DLG1: variants seen among roughly 807,000 people sequenced by gnomAD.
DLG1 encodes disks large homolog 1.
In DLG1, 42 loss-of-function variants were observed where a neutral mutation model predicts 123.4. That is an observed-to-expected ratio of 0.34 (90% CI 0.27 to 0.44). The LOEUF is 0.44. Ranked by LOEUF, DLG1 falls within the 20% of genes least tolerant of loss-of-function variation. The pLI is 1.00. For synonymous variants in DLG1, 317 were observed against 356.2 expected (o/e 0.89, Z 1.24); for missense variants, 942 against 1,082.6 (o/e 0.87, Z 1.82).
intron 5 of DLG1, among the ~76,000 whole-genome samples, chr3:197,171,753 T>A (rs1212303536): frequency 6.6e-6 from 1 of 152,142 alleles, no homozygotes; most frequent in Non-Finnish European, 1.5e-5. Context: ...CATTTCAAAG[T>A]AAACAGACAC....
chr3:197,137,553 C>T (rs932326737), intron 9 of DLG1, among the ~76,000 whole-genome samples: 1 of 152,054 alleles, frequency 6.6e-6, no homozygotes, highest in Admixed American at 6.5e-5. Context: ...ATATTTTGTT[C>T]CCTACTTTTA....
At chr3:197,292,932 G>C (rs1298246308) in intron 3 of DLG1, among the ~76,000 whole-genome samples, 1 of 152,042 alleles carries the variant, frequency 6.6e-6, no homozygotes, top group Non-Finnish European at 1.5e-5. Flanking sequence ...TAACTGCAGG[G>C]GTTTAGACTG....
At chr3:197,191,561 C>T (rs769542247) in intron 5 of DLG1, among the ~76,000 whole-genome samples, 11 of 151,868 alleles carry the variant, frequency 7.2e-5, no homozygotes, top group Admixed American at 2.6e-4. Context: ...TAAGGATGAC[C>T]GGAAATTCAA....
At chr3:197,066,030 A>G (rs1309883871) in intron 20 of DLG1, among the ~76,000 whole-genome samples, 1 of 152,192 alleles carries the variant, frequency 6.6e-6, no homozygotes, top group East Asian at 1.9e-4. Flanking sequence ...CATATTGATA[A>G]TTCAATCAAG....
chr3:197,118,878 C>T (rs558354670), intron 12 of DLG1, among the ~76,000 whole-genome samples: 115 of 152,172 alleles, frequency 7.6e-4, no homozygotes, highest in African/African-American at 2.4e-3. Flanking sequence ...GGGGATCACG[C>T]CTGTAATCTT....
rs748273267 is a variant in DLG1, at chr3:197,208,922, T to C, written c.319-14333A>G. Among the ~76,000 whole-genome samples the C allele has an allele frequency of 8.9e-5, 13 of 146,056 alleles. 1 individual carries two copies. Among genetic ancestry groups the C allele is most frequent in the Non-Finnish European group, 1.8e-4 (12 of 65,034 alleles). Reference sequence around the variant, plus strand: ...AATTACCTTTAGAATGAAAAAAATTTTAATGAGTTGATAAAACAATCATTA... The same window carrying C: ...AATTACCTTTAGAATGAAAAAAATTCTAATGAGTTGATAAAACAATCATTA... On this transcript the variant is annotated intron_variant, in intron 4 of 24. Coordinates refer to ENST00000667157, the MANE Select transcript of DLG1 (RefSeq NM_001366207.1).
chr3:197,213,312 A>C (rs1358106149), intron 4 of DLG1, among the ~76,000 whole-genome samples: 1 of 152,246 alleles, frequency 6.6e-6, no homozygotes, highest in Non-Finnish European at 1.5e-5. Flanking sequence ...AAGACACTAA[A>C]GAGTCTTACT....
chr3:197,259,321 T>A lies in DLG1; in HGVS notation c.318+23358A>T, dbSNP rs558459606. On this transcript the variant is annotated intron_variant, in intron 4 of 24. Coordinates refer to ENST00000667157, the MANE Select transcript of DLG1 (RefSeq NM_001366207.1). Reference sequence around the variant, plus strand: ...GAAACAGATAATGGGCATGTCTGTATCCGATCAGAAACTACTGTTTGAACT... The same window carrying A: ...GAAACAGATAATGGGCATGTCTGTAACCGATCAGAAACTACTGTTTGAACT... 2.6e-5 allele frequency among the ~76,000 whole-genome samples: 4 copies of A among 152,312 alleles called. No homozygotes were observed. In the South Asian group the frequency reaches 8.3e-4, roughly 32 times the overall value.
At chr3:197,157,050 C>A (rs937046738) in intron 5 of DLG1, among the ~76,000 whole-genome samples, 1 of 152,182 alleles carries the variant, frequency 6.6e-6, no homozygotes, top group Non-Finnish European at 1.5e-5. Context: ...AAAACACACA[C>A]AGTGAACATC....
In DLG1 at chr3:197,119,478, C is replaced by A. The variant is rs776543439; in HGVS notation, c.1218G>T (p.Gln406His). 2 of 1,611,840 alleles carry A rather than the reference C, an allele frequency of 1.2e-6. No homozygotes were observed. The highest frequency in any genetic ancestry group is 2.2e-5 in the South Asian group (2 of 90,988). Residue 406 changes from glutamine (Q) to histidine (H), a missense_variant, in exon 12 of 25, where the codon CAG becomes CAT. Physicochemically the swap from Gln to His is conservative, Grantham distance 24. Transcript: ENST00000667157. ...AGTATCTGGCTGGAGATGCTGGTGT[C>A]TGGCCCAAGAAGGAAGATGGGCTAA... ...NHVSPSSFLG[Q>H]TPASPARYSP...
chr3:197,190,784 G>A (rs922871957), intron 5 of DLG1, among the ~76,000 whole-genome samples: 2 of 152,214 alleles, frequency 1.3e-5, no homozygotes, highest in African/African-American at 4.8e-5. Flanking sequence ...GCCGAGGCGG[G>A]CGGATCACGA....
At chr3:197,217,438 C>T (rs1443480219) in intron 4 of DLG1, among the ~76,000 whole-genome samples, 2 of 152,040 alleles carry the variant, frequency 1.3e-5, no homozygotes, top group Non-Finnish European at 1.5e-5. Flanking sequence ...AAAACAAAAC[C>T]TATTAAAATT....
intron 7 of DLG1, among the ~76,000 whole-genome samples, chr3:197,141,855 C>T (rs1372317267): frequency 1.3e-5 from 2 of 152,102 alleles, no homozygotes; most frequent in Admixed American, 6.5e-5. Context: ...TACAGGTCTG[C>T]GTTACCACAC....
In DLG1 at chr3:197,104,914, T is replaced by C. The variant is rs750589067; in HGVS notation, c.1535A>G (p.Tyr512Cys). 4 of 1,610,408 alleles carry C rather than the reference T, an allele frequency of 2.5e-6. No individual in the cohort carries two copies. In the South Asian group the frequency reaches 4.4e-5, roughly 18 times the overall value. ...AGQAVTIVAQ[Y>C]RPEEYSRFEA... is the part of the protein sequence containing the mutation. ...AAGAATGTTATTACCTTCAGGTCGA[T>C]ATTGTGCAACAATTGTGACAGCCTG... The change falls in exon 14 of 25, where the codon TAT becomes TGT. Residue 512 changes from tyrosine (Y) to cysteine (C), a missense_variant. Tyr to Cys is a radical substitution (Grantham distance 194). Transcript: ENST00000667157.
intron 4 of DLG1, among the ~76,000 whole-genome samples, chr3:197,210,623 T>A (rs1730826820): frequency 7.1e-6 from 1 of 140,420 alleles, no homozygotes; most frequent in Non-Finnish European, 1.6e-5. Context: ...CCTCTCAAAT[T>A]TATATATATA....
intron 4 of DLG1, among the ~76,000 whole-genome samples, chr3:197,198,243 C>A (rs1723626172): frequency 6.6e-6 from 1 of 152,048 alleles, no homozygotes; most frequent in African/African-American, 2.4e-5. Context: ...TAATCCCAGC[C>A]TTTCGGGAGG....
intron 16 of DLG1, among the ~76,000 whole-genome samples, chr3:197,083,209 T>A (rs533040550): frequency 6.6e-6 from 1 of 152,270 alleles, no homozygotes; most frequent in African/African-American, 2.4e-5. Flanking sequence ...TAATTATAAA[T>A]CTTGATTATA....
intron 5 of DLG1, among the ~76,000 whole-genome samples, chr3:197,193,945 G>A (rs1721042862): frequency 6.6e-6 from 1 of 151,798 alleles, no homozygotes; most frequent in Admixed American, 6.6e-5. Flanking sequence ...TCAGCCTCCT[G>A]AGTAGCTGGG....
At chr3:197,079,640 A>C (rs1026746833) in intron 17 of DLG1, among the ~76,000 whole-genome samples, 5 of 152,242 alleles carry the variant, frequency 3.3e-5, no homozygotes, top group African/African-American at 1.2e-4. Flanking sequence ...ATTTTTAAAG[A>C]TATACATAAA....
Sources: allele counts gnomAD v4.1 joint callset (sites outside exome capture counted in the v4.1 genomes callset), GRCh38; gene constraint gnomAD v4.1.1; transcripts MANE v1.5; gene names NCBI Gene and HGNC (gene_info 2026-07-23, HGNC 2026-07-21).